FAM228B: variants seen among roughly 807,000 people sequenced by gnomAD.
FAM228B encodes protein FAM228B.
A neutral mutation model predicts 42.6 loss-of-function variants in FAM228B; 38 were observed. The ratio of observed to expected loss-of-function variants is 0.89; its 90% CI spans 0.69 to 1.17. The LOEUF is 1.17. FAM228B is among the 50% of genes most tolerant of loss of function. FAM228B has a pLI of 0.00. For missense variants in FAM228B, 344 were observed against 367.3 expected, an observed-to-expected ratio of 0.94 and a Z score of 0.52; for synonymous variants, 109 against 122.3, an observed-to-expected ratio of 0.89 and a Z score of 0.72.
Position 24,165,326 on chromosome 2 carries a change from C to G in FAM228B, c.932+991C>G, listed in dbSNP as rs115297461. The G allele has an allele frequency of 6.4e-6, 3 of 470,858 alleles. No individual in the cohort carries two copies. The Admixed American group carries it at 7.0e-5, about 11-fold the overall frequency. The allele number at this position is 470,858 out of a possible 1,614,324, so 29.2% of individuals were successfully genotyped here. On this transcript the variant is annotated intron_variant, in intron 9 of 10. Coordinates refer to ENST00000615575, the MANE Select transcript of FAM228B (RefSeq NM_001145710.2). Reference sequence around the variant, plus strand: ...CCTGGCCCTATCCTTACAGAGAGGCCCTACACAGTATTCTGGGATACATAT... The same window carrying G: ...CCTGGCCCTATCCTTACAGAGAGGCGCTACACAGTATTCTGGGATACATAT...
In FAM228B at chr2:24,155,702, G is replaced by A. The variant is rs542125109; in HGVS notation, c.687-5804G>A. On this transcript the variant is annotated intron_variant, in intron 7 of 10. Coordinates refer to ENST00000615575, the MANE Select transcript of FAM228B (RefSeq NM_001145710.2). ...ATTACAGGCATCCGCCACCACGCCC[G>A]GCTAATTTTTGTATTTTTGTTAGAG... 2.4e-4 allele frequency among the ~76,000 whole-genome samples: 36 copies of A among 151,306 alleles called. No individual in the cohort carries two copies. The South Asian group carries it at 7.5e-3, about 32-fold the overall frequency.
At position 24,077,703 on chromosome 2, in the gene FAM228B, T is replaced by C. The variant is rs762574441; in HGVS notation, c.-290+734T>C. 5.0e-6 allele frequency: 8 copies of C among 1,613,934 alleles called. No individual in the cohort carries two copies. The highest frequency in any genetic ancestry group is 2.7e-5 in the African/African-American group (2 of 74,894). ...AACCGGCAGCAGACGTTGGGGGCCC[T>C]CCGTGGAGAAGTGAGGCAGAATTTG... On this transcript the variant is annotated intron_variant, in intron 1 of 10. Coordinates refer to the FAM228B transcript ENST00000613899. The surrounding 1 kb of genome is among the most constrained non-coding windows in gnomAD (Gnocchi z 5.5).
intron 3 of FAM228B, chr2:24,096,866 G>A (rs1216823141): frequency 2.6e-5 from 4 of 152,154 alleles, no homozygotes; most frequent in South Asian, 4.1e-4. Flanking sequence ...AGGAAAAAGT[G>A]TTAAGGGCAG....
chr2:24,125,560 C>G (rs1268877372), intron 2 of FAM228B, among the ~76,000 whole-genome samples: 1 of 151,500 alleles, frequency 6.6e-6, no homozygotes, highest in South Asian at 2.1e-4. Context: ...TTCTTTCTCT[C>G]TCTTTCCTTT....
At chr2:24,085,327 T>C (rs1260414497) in intron 2 of FAM228B, 1 of 152,092 alleles carries the variant, frequency 6.6e-6, no homozygotes, top group Admixed American at 6.6e-5. Flanking sequence ...ATGCTGGCGA[T>C]TGGGTAAAAG....
intron 3 of FAM228B, among the ~76,000 whole-genome samples, chr2:24,105,834 A>G (rs920333854): frequency 7.9e-5 from 12 of 152,210 alleles, no homozygotes; most frequent in Non-Finnish European, 1.6e-4. Context: ...AAGTATTAAC[A>G]GCGGAATAGA....
chr2:24,164,411 C>A, intron 9 of FAM228B, 76 bp downstream of exon 9: 1 of 1,446,316 alleles, frequency 6.9e-7, no homozygotes, highest in Non-Finnish European at 9.2e-7. Context: ...CACCTGGGAA[C>A]TTTCTTTGTA....
At chr2:24,137,172 C>T (rs920629953) in intron 3 of FAM228B, among the ~76,000 whole-genome samples, 3 of 152,120 alleles carry the variant, frequency 2.0e-5, no homozygotes, top group Non-Finnish European at 4.4e-5. Flanking sequence ...GTATATACCA[C>T]ATTTTATCTG....
At chr2:24,114,242 T>C (rs1217824346) in intron 3 of FAM228B, among the ~76,000 whole-genome samples, 2 of 152,182 alleles carry the variant, frequency 1.3e-5, no homozygotes, top group African/African-American at 4.8e-5. Context: ...CACAAGGAGA[T>C]GCTGAATCTG....
At chr2:24,103,684 C>T (rs1187945389) in intron 3 of FAM228B, among the ~76,000 whole-genome samples, 5 of 152,276 alleles carry the variant, frequency 3.3e-5, no homozygotes, top group South Asian at 2.1e-4. Flanking sequence ...AAAGGCTGGC[C>T]GGCCAGGAGG....
chr2:24,106,391 C>T (rs1038480558), intron 3 of FAM228B, among the ~76,000 whole-genome samples: 2 of 145,344 alleles, frequency 1.4e-5, no homozygotes, highest in African/African-American at 5.2e-5. Context: ...ATGATCTCAG[C>T]TCACTGCAAC....
intron 3 of FAM228B, among the ~76,000 whole-genome samples, chr2:24,137,032 T>C (rs1001985673): frequency 1.3e-5 from 2 of 152,196 alleles, no homozygotes; most frequent in African/African-American, 4.8e-5. Context: ...TATTTGTCCA[T>C]TTGTGTCTGA....
chr2:24,145,147 A>G (rs977094299), intron 5 of FAM228B, among the ~76,000 whole-genome samples: 10 of 152,212 alleles, frequency 6.6e-5, no homozygotes, highest in South Asian at 2.1e-4. Flanking sequence ...GCATGCACCC[A>G]AGCAAGCCAC....
At chr2:24,127,639 A>T (rs959204719) in intron 2 of FAM228B, among the ~76,000 whole-genome samples, 1 of 151,828 alleles carries the variant, frequency 6.6e-6, no homozygotes, top group Non-Finnish European at 1.5e-5. Flanking sequence ...ATAGTTTCTG[A>T]CAAATCTGGA....
At chr2:24,135,880 C>A (rs1052306161) in intron 3 of FAM228B, among the ~76,000 whole-genome samples, 4 of 149,538 alleles carry the variant, frequency 2.7e-5, no homozygotes, top group African/African-American at 9.9e-5. Flanking sequence ...CAAGCATCAT[C>A]TTTGCAGGCT....
intron 3 of FAM228B, among the ~76,000 whole-genome samples, chr2:24,114,226 G>A (rs901541334): frequency 6.6e-5 from 10 of 152,142 alleles, no homozygotes; most frequent in Non-Finnish European, 1.5e-4. Context: ...GTAAGTTAGG[G>A]TTTGCCACAA....
At chr2:24,104,388 G>A (rs536721259) in intron 3 of FAM228B, among the ~76,000 whole-genome samples, 35 of 152,316 alleles carry the variant, frequency 2.3e-4, no homozygotes, top group African/African-American at 6.5e-4. Flanking sequence ...AGCCAGCGCC[G>A]AAGCCCCAGC....
intron 5 of FAM228B, among the ~76,000 whole-genome samples, chr2:24,145,948 C>G (rs867362771): frequency 1.3e-5 from 2 of 152,180 alleles, no homozygotes; most frequent in East Asian, 1.9e-4. Context: ...CTCGGCCTCC[C>G]AAAGTGCTGG....
At chr2:24,093,124 CT>C (rs1386766847) in intron 2 of FAM228B, among the ~76,000 whole-genome samples, 4 of 152,110 alleles carry the variant, frequency 2.6e-5, no homozygotes, top group African/African-American at 9.7e-5. Flanking sequence ...TCCCCTCTCA[CT>C]TTTTATTTTT....
Sources: allele counts gnomAD v4.1 joint callset (sites outside exome capture counted in the v4.1 genomes callset), GRCh38; gene constraint gnomAD v4.1.1; non-coding constraint Gnocchi (gnomAD v3.1); transcripts MANE v1.5; gene names NCBI Gene and HGNC (gene_info 2026-07-23, HGNC 2026-07-21).